The following MATR3 variants were observed in gnomAD, a reference collection of about 807,000 sequenced individuals.
MATR3 encodes the protein matrin-3.
Under a neutral mutation model 85.5 loss-of-function variants are expected in MATR3, and 4 were observed. The observed-to-expected ratio is 0.05, with a 90% CI of 0.02 to 0.11. The LOEUF (loss-of-function observed/expected upper bound fraction) is 0.11. Among genes scored for constraint, MATR3 ranks in the 10% least tolerant of loss-of-function variants. The pLI, the probability that MATR3 is intolerant of heterozygous loss-of-function variation, is 1.00. For missense variants in MATR3, 685 were observed against 1,016.1 expected (o/e 0.67, Z 4.43); for synonymous variants, 336 against 343.1 (o/e 0.98, Z 0.23).
chr5:139,328,419 T>C (rs1027944775), intron 14 of MATR3, among the ~76,000 whole-genome samples: 7 of 152,214 alleles, frequency 4.6e-5, no homozygotes, highest in African/African-American at 1.7e-4. Context: ...TTTTTTAATA[T>C]GTCTTTTGTA....
chr5:139,325,061 C>T lies in MATR3; in HGVS notation c.2149-379C>T, dbSNP rs1401333731. Among the ~76,000 whole-genome samples the T allele has an allele frequency of 3.3e-5, 5 of 151,924 alleles. 1 individual carries two copies. The highest frequency in any genetic ancestry group is 2.1e-4 in the South Asian group (1 of 4,812). ...AAAAAAAATTAGCCGGGCGTGGTGG[C>T]GTGCGCCTGTAGTCCCAGCTACTCG... On this transcript the variant is annotated intron_variant, in intron 12 of 14. Coordinates refer to ENST00000394805, the MANE Select transcript of MATR3 (RefSeq NM_018834.6).
chr5:139,276,587 A>G (rs1459095349), intron 2 of MATR3, among the ~76,000 whole-genome samples: 2 of 152,218 alleles, frequency 1.3e-5, no homozygotes, highest in Non-Finnish European at 2.9e-5. Flanking sequence ...ACCTTCCTGA[A>G]TAGTTCTGGT....
chr5:139,293,364 A>G (rs1215469125), upstream of MATR3: 1 of 152,252 alleles, frequency 6.6e-6, no homozygotes, highest in Non-Finnish European at 1.5e-5. Flanking sequence ...CAGAACAACC[A>G]GAGAGCATAA....
In MATR3 at chr5:139,316,039, TTA is replaced by T. The variant is rs147920889; in HGVS notation, c.1017-35_1017-34del. ...TCTTAATTCTTTCCAATGGACCTCT[TTA>T]TTATGATTTATATTTTATGTCTTCA... is the stretch of plus-strand genomic sequence containing the variant. On this transcript the variant is annotated intron_variant, in intron 4 of 14. Coordinates refer to ENST00000394805, the MANE Select transcript of MATR3 (RefSeq NM_018834.6). 2.7e-5 allele frequency: 39 copies of T among 1,434,798 alleles called. No homozygotes were observed. The African/African-American group carries it at 5.3e-4, about 20-fold the overall frequency. The allele number at this position is 1,434,798 out of a possible 1,614,324, so 88.9% of individuals were successfully genotyped here.
Position 139,322,446 on chromosome 5 carries a change from A to C in MATR3, c.1735-17A>C. ...TTCTGCAAATGTGTTAACTTCTGCA[A>C]AACTTTTGTCTTTTAGATTCCAAAC... On this transcript the variant is annotated splice_polypyrimidine_tract_variant and intron_variant, in intron 10 of 14. Transcript: ENST00000394805. The C allele has an allele frequency of 6.2e-7, 1 of 1,612,528 alleles. No homozygotes were observed. The highest frequency in any genetic ancestry group is 8.5e-7 in the Non-Finnish European group (1 of 1,178,672).
chr5:139,318,505 G>A (rs1755371251), intron 7 of MATR3, among the ~76,000 whole-genome samples: 1 of 152,100 alleles, frequency 6.6e-6, no homozygotes, highest in African/African-American at 2.4e-5. Flanking sequence ...CTGGAGTGCA[G>A]TGAGGTTCAC....
At chr5:139,326,420 T>TA in intron 14 of MATR3, 136 bp downstream of exon 14, 8 of 804,814 alleles carry the variant, frequency 9.9e-6, no homozygotes, top group Non-Finnish European at 1.3e-5. Flanking sequence ...ACTTTTTATT[T>TA]ACTTTTTTTT....
intron 1 of MATR3, among the ~76,000 whole-genome samples, chr5:139,297,137 C>T (rs916428268): frequency 1.3e-5 from 2 of 152,142 alleles, no homozygotes; most frequent in Non-Finnish European, 2.9e-5. Context: ...GAGGTGGCGC[C>T]ACTGCATTCC....
At chr5:139,301,342 C>CA (rs1353195779) in intron 1 of MATR3, among the ~76,000 whole-genome samples, 1 of 151,556 alleles carries the variant, frequency 6.6e-6, no homozygotes, top group Non-Finnish European at 1.5e-5. Flanking sequence ...TTATTTGAGA[C>CA]AGAGTCTCAC....
chr5:139,327,106 A>G (rs191292390), intron 14 of MATR3, among the ~76,000 whole-genome samples: 167 of 152,322 alleles, frequency 1.1e-3, no homozygotes, highest in African/African-American at 3.9e-3. Context: ...GCTTCTTTGG[A>G]CTACCTATTG....
intron 1 of MATR3, among the ~76,000 whole-genome samples, chr5:139,302,370 T>C (rs1754492182): frequency 6.6e-6 from 1 of 152,172 alleles, no homozygotes; most frequent in South Asian, 2.1e-4. Flanking sequence ...GCTGAAACTC[T>C]AGGAAAAAAA....
intron 5 of MATR3, among the ~76,000 whole-genome samples, chr5:139,316,636 C>G (rs573539308): frequency 6.6e-6 from 1 of 152,196 alleles, no homozygotes; most frequent in Admixed American, 6.5e-5. Flanking sequence ...CAACCCCTGC[C>G]TCCCGGGTTA....
rs1317346590 is a variant in MATR3, at chr5:139,330,211, T to A, written c.*816T>A. The stretch of plus-strand genomic sequence containing the variant: ...ATATTTTCAAGATGTAATTTTACAT[T>A]TCTGCATTTTTAAAACAGTTTGGCC... On this transcript the variant is annotated 3_prime_UTR_variant, in exon 15 of 15. Transcript: ENST00000394805. 6.6e-6 allele frequency: 3 copies of A among 454,432 alleles called. No individual in the cohort carries two copies. Among genetic ancestry groups the A allele is most frequent in the South Asian group, 4.7e-5 (3 of 64,464 alleles). 28.1% of individuals were successfully genotyped at this position (454,432 alleles called of 1,614,324 possible). A position where few individuals can be genotyped will look rare whatever the true frequency, so the allele number is the denominator to read the frequency against.
chr5:139,291,285 T>C (rs1753861825), upstream of MATR3, among the ~76,000 whole-genome samples: 1 of 152,224 alleles, frequency 6.6e-6, no homozygotes, highest in South Asian at 2.1e-4. Flanking sequence ...AAGCTCCTCA[T>C]TCCCTCAGAT....
chr5:139,329,252 A>C, intron 14 of MATR3, 93 bp from the exon 15 acceptor site: 1 of 896,560 alleles, frequency 1.1e-6, no homozygotes, highest in African/African-American at 1.6e-5. Context: ...TTAAGTCCCT[A>C]AACTTGGATA....
intron 1 of MATR3, among the ~76,000 whole-genome samples, chr5:139,300,206 A>T (rs960195351): frequency 4.6e-5 from 7 of 152,164 alleles, no homozygotes; most frequent in African/African-American, 1.7e-4. Context: ...CTACTAAAAA[A>T]TACAGAAAAT....
At chr5:139,294,186 G>A in intron 1 of MATR3, 1 of 648,620 alleles carries the variant, frequency 1.5e-6, no homozygotes, top group Non-Finnish European at 2.2e-6. Flanking sequence ...GCGGGCCGCG[G>A]CGCTGAGGGG....
upstream of MATR3, among the ~76,000 whole-genome samples, chr5:139,292,236 A>G (rs1324708520): frequency 3.3e-5 from 5 of 152,166 alleles, no homozygotes; most frequent in Non-Finnish European, 1.5e-5. Flanking sequence ...TGGTGGGATT[A>G]CAGGCGAGAT....
chr5:139,328,169 T>C (rs1468599876), intron 14 of MATR3, among the ~76,000 whole-genome samples: 3 of 151,252 alleles, frequency 2.0e-5, no homozygotes, highest in Admixed American at 6.6e-5. Context: ...GCCTATTATT[T>C]CCTTTTATTA....
Sources: gnomAD v4.1 joint callset for allele counts (sites outside exome capture counted in the v4.1 genomes callset) on GRCh38, gnomAD v4.1.1 for gene constraint, MANE v1.5 for transcripts, NCBI Gene and HGNC (gene_info 2026-07-23, HGNC 2026-07-21) for gene names.